The following FBXW8 variants were observed in gnomAD, a reference collection of about 807,000 sequenced individuals.
FBXW8 encodes F-box and WD repeat domain containing 8.
Under a neutral mutation model 65.3 loss-of-function variants are expected in FBXW8, and 57 were observed. The ratio of observed to expected loss-of-function variants is 0.87; its 90% CI spans 0.71 to 1.09. The LOEUF is 1.09. Among genes scored for constraint, FBXW8 ranks in the 50% least tolerant of loss-of-function variants. FBXW8 has a pLI of 0.00. For synonymous variants in FBXW8, 308 were observed against 330.2 expected (o/e 0.93, Z 0.73); for missense variants, 777 against 814.8 (o/e 0.95, Z 0.57).
intron 6 of FBXW8, among the ~76,000 whole-genome samples, chr12:116,987,753 G>A (rs1885828594): frequency 6.6e-6 from 1 of 152,010 alleles, no homozygotes; most frequent in Non-Finnish European, 1.5e-5. Context: ...TTTATTTTTT[G>A]AATTGCTATT....
chr12:116,929,399 T>C (rs1477788446), intron 2 of FBXW8, among the ~76,000 whole-genome samples: 1 of 152,060 alleles, frequency 6.6e-6, no homozygotes, highest in East Asian at 1.9e-4. Context: ...CACATGCAGC[T>C]AATTTTTGTA....
Position 116,911,367 on chromosome 12 carries a change from T to C in FBXW8, c.318+12T>C. The C allele has an allele frequency of 7.9e-7, 1 of 1,270,248 alleles. No homozygotes were observed. Among genetic ancestry groups the C allele is most frequent in the Non-Finnish European group, 9.9e-7 (1 of 1,011,320 alleles). The allele number at this position is 1,270,248 out of a possible 1,614,324, so 78.7% of individuals were successfully genotyped here. A position where few individuals can be genotyped will look rare whatever the true frequency, so the allele number is the denominator to read the frequency against. Reference sequence around the variant, plus strand: ...TCATCCGCGACCTGGTGAGTGGCCGTCGCCTCCCCCCCGCCCATGCCTGCG... The same window carrying C: ...TCATCCGCGACCTGGTGAGTGGCCGCCGCCTCCCCCCCGCCCATGCCTGCG... On this transcript the variant is annotated intron_variant, in intron 1 of 10. Transcript: ENST00000652555.
At chr12:116,979,173 C>T (rs1415143524) in intron 5 of FBXW8, 2 of 152,238 alleles carry the variant, frequency 1.3e-5, no homozygotes, top group South Asian at 2.1e-4. Flanking sequence ...AGTGGTAGCA[C>T]TTTCCAGATA....
rs1318830655 is a variant in FBXW8 at position 116,997,568 on chromosome 12, C to T, written c.1239+8699C>T. ...ACTTGTTAGGTGCCTCCTTCACCCC[C>T]GGTCCCCCAGCTTTGGGGTCAGGTT... is the stretch of plus-strand genomic sequence containing the variant. On this transcript the variant is annotated intron_variant, in intron 7 of 10. Transcript: ENST00000652555. Among the ~76,000 whole-genome samples the T allele has an allele frequency of 3.9e-5, 6 of 152,156 alleles. No homozygotes were observed. The East Asian group carries it at 5.8e-4, about 15-fold the overall frequency.
chr12:116,994,311 GAAAGTATGGTACTGGTGTA>G (rs1227182680), intron 7 of FBXW8, among the ~76,000 whole-genome samples: 3 of 152,224 alleles, frequency 2.0e-5, no homozygotes, highest in African/African-American at 7.2e-5. Flanking sequence ...GTACTGGTGT[GAAAGTATGGTACTGGTGTA>G]AAAGTAAATA....
intron 8 of FBXW8, among the ~76,000 whole-genome samples, chr12:117,013,173 C>A (rs1049874971): frequency 6.6e-6 from 1 of 152,014 alleles, no homozygotes; most frequent in Non-Finnish European, 1.5e-5. Context: ...ACCCAGGAGG[C>A]GGAGGTTGCA....
chr12:117,007,857 C>T (rs1189449168), intron 7 of FBXW8, among the ~76,000 whole-genome samples: 1 of 151,866 alleles, frequency 6.6e-6, no homozygotes, highest in Non-Finnish European at 1.5e-5. Context: ...TGGTAAAGGT[C>T]GTTAAGGGAC....
chr12:116,922,850 A>G (rs1048164867), intron 1 of FBXW8, among the ~76,000 whole-genome samples: 1 of 151,560 alleles, frequency 6.6e-6, no homozygotes. Flanking sequence ...GGATGGATAG[A>G]TTTTTATATC....
intron 7 of FBXW8, among the ~76,000 whole-genome samples, chr12:117,005,945 C>T (rs551640891): frequency 1.6e-4 from 24 of 152,368 alleles, no homozygotes; most frequent in African/African-American, 5.5e-4. Context: ...CAGCCCAGCA[C>T]AGCACCTCCT....
Position 117,030,127 on chromosome 12 carries a change from G to C in FBXW8, c.*1955G>C, listed in dbSNP as rs1296523918. 1 of 152,112 alleles carries C rather than the reference G, an allele frequency of 6.6e-6. No homozygotes were observed. The highest frequency in any genetic ancestry group is 6.5e-5 in the Admixed American group (1 of 15,272). 9.4% of individuals were successfully genotyped at this position (152,112 alleles called of 1,614,324 possible). A position where few individuals can be genotyped will look rare whatever the true frequency, so the allele number is the denominator to read the frequency against. On this transcript the variant is annotated 3_prime_UTR_variant, in exon 11 of 11. Transcript: ENST00000652555. ...GTGCTTGCCATTACTCCAAAGCCTAGAACCTTCACGTCATGAAGGTTCTGG... is the reference window on the plus strand; with the variant it reads ...GTGCTTGCCATTACTCCAAAGCCTACAACCTTCACGTCATGAAGGTTCTGG...
intron 5 of FBXW8, among the ~76,000 whole-genome samples, chr12:116,969,418 G>T (rs1884517985): frequency 6.6e-6 from 1 of 152,146 alleles, no homozygotes; most frequent in Admixed American, 6.5e-5. Context: ...CAGTTTAACA[G>T]ATCGACACTA....
At chr12:116,933,285 C>A (rs1048755950) in intron 2 of FBXW8, among the ~76,000 whole-genome samples, 4 of 152,214 alleles carry the variant, frequency 2.6e-5, no homozygotes, top group Non-Finnish European at 4.4e-5. Flanking sequence ...ATGATAAAAT[C>A]TTCATTCTTG....
chr12:116,976,153 C>T (rs7298447), intron 5 of FBXW8, among the ~76,000 whole-genome samples: 116,670 of 152,082 alleles, frequency 0.77, 46,187 homozygotes, highest in Non-Finnish European at 0.86. Context: ...TTAAATAAGA[C>T]TGGATTTTTC....
intron 5 of FBXW8, chr12:116,980,248 A>C (rs1885216928): frequency 6.6e-6 from 1 of 152,184 alleles, no homozygotes; most frequent in African/African-American, 2.4e-5. Flanking sequence ...TACATACACT[A>C]CCTTGGTTCT....
At chr12:116,969,774 C>T (rs1286616003) in intron 5 of FBXW8, among the ~76,000 whole-genome samples, 1 of 151,992 alleles carries the variant, frequency 6.6e-6, no homozygotes, top group Non-Finnish European at 1.5e-5. Context: ...GAAAGGGAGT[C>T]ATCCCTGCAT....
intron 4 of FBXW8, among the ~76,000 whole-genome samples, chr12:116,954,126 A>G (rs1450797873): frequency 6.6e-6 from 1 of 151,958 alleles, no homozygotes; most frequent in Middle Eastern, 3.4e-3. Context: ...AAAAAAAAAA[A>G]AAAAAAAAGA....
At chr12:116,972,001 C>A (rs1451208537) in intron 5 of FBXW8, among the ~76,000 whole-genome samples, 4 of 152,174 alleles carry the variant, frequency 2.6e-5, no homozygotes, top group African/African-American at 9.7e-5. Flanking sequence ...GATAACTATG[C>A]ATTTTTGAAG....
chr12:116,962,520 T>A (rs562470565), intron 4 of FBXW8, among the ~76,000 whole-genome samples: 2 of 152,326 alleles, frequency 1.3e-5, no homozygotes, highest in Non-Finnish European at 2.9e-5. Context: ...TGCAGACTGC[T>A]GGTGTGGTGT....
At chr12:116,951,984 A>G (rs572937763) in intron 4 of FBXW8, among the ~76,000 whole-genome samples, 1 of 152,336 alleles carries the variant, frequency 6.6e-6, no homozygotes, top group Admixed American at 6.5e-5. Flanking sequence ...CTTACTCTAC[A>G]GTCTTACAAA....
Sources: allele counts gnomAD v4.1 joint callset (sites outside exome capture counted in the v4.1 genomes callset), GRCh38; gene constraint gnomAD v4.1.1; transcripts MANE v1.5; gene names NCBI Gene and HGNC (gene_info 2026-07-23, HGNC 2026-07-21).